IL31RA: variants seen among roughly 807,000 people sequenced by gnomAD.
IL31RA encodes interleukin 31 receptor A.
Under a neutral mutation model 83.7 loss-of-function variants are expected in IL31RA, and 66 were observed. That is an observed-to-expected ratio of 0.79 (90% confidence interval 0.65 to 0.97). The LOEUF (loss-of-function observed/expected upper bound fraction) is 0.97, where lower values mean the gene tolerates loss of function less well. Among genes scored for constraint, IL31RA ranks in the 50% least tolerant of loss-of-function variants. The pLI is 0.00. For synonymous variants in IL31RA, 325 were observed against 329.0 expected (o/e 0.99, Z 0.13); for missense variants, 798 against 919.4 (o/e 0.87, Z 1.71).
intron 8 of IL31RA, 69 bp from the exon 9 acceptor site, chr5:55,906,037 G>A: frequency 1.3e-6 from 2 of 1,482,644 alleles, no homozygotes; most frequent in Non-Finnish European, 1.9e-6. Context: ...CAATGAGGAT[G>A]CCAGTGTGGT....
intron 4 of IL31RA, among the ~76,000 whole-genome samples, chr5:55,879,575 G>A (rs945397214): frequency 1.3e-5 from 2 of 151,486 alleles, no homozygotes; most frequent in South Asian, 2.1e-4. Context: ...TGGGACTACA[G>A]GCACGCACCA....
intron 6 of IL31RA, among the ~76,000 whole-genome samples, chr5:55,891,761 ATTTTTTTTT>A (rs35672011): frequency 6.5e-4 from 39 of 60,030 alleles, no homozygotes; most frequent in Non-Finnish European, 9.5e-4. Flanking sequence ...TTTGGACAAG[ATTTTTTTTT>A]TTTTTTTTTT....
chr5:55,842,461 A>G, the IL31RA span, among the ~76,000 whole-genome samples: 1 of 152,214 alleles, frequency 6.6e-6, no homozygotes, highest in South Asian at 2.1e-4. Context: ...AGGTGCCAGT[A>G]AATGCCTAGT....
At chr5:55,850,134 T>C (rs373501713), upstream of IL31RA, among the ~76,000 whole-genome samples, 1 of 152,228 alleles carries the variant, frequency 6.6e-6, no homozygotes. Context: ...TTTTTTCCTA[T>C]CTGGAAACAT....
intron 8 of IL31RA, among the ~76,000 whole-genome samples, chr5:55,905,470 T>C (rs1749090535): frequency 6.6e-6 from 1 of 152,252 alleles, no homozygotes; most frequent in South Asian, 2.1e-4. Flanking sequence ...AGCCACACAC[T>C]CAACTTTTCT....
chr5:55,909,707 CTT>C (rs113348837), intron 11 of IL31RA, among the ~76,000 whole-genome samples: 1 of 143,348 alleles, frequency 7.0e-6, no homozygotes. Flanking sequence ...ATTTGTATAT[CTT>C]TTTTTTTTTT....
rs752176988 is a variant in IL31RA, at chr5:55,903,416, G to A, written c.1070-2690G>A. On this transcript the variant is annotated intron_variant, in intron 8 of 14. Coordinates refer to ENST00000652347, the MANE Select transcript of IL31RA (RefSeq NM_139017.7). This position sits in a 1 kb window ranked among gnomAD's most constrained non-coding sequence, Gnocchi z 4.7. ...TTCCCACCACACCTGGGGATGTTTGGAGTAATTGCTCAGAAAGCTCTTGTT... is the reference window on the plus strand; with the variant it reads ...TTCCCACCACACCTGGGGATGTTTGAAGTAATTGCTCAGAAAGCTCTTGTT... Among the ~76,000 whole-genome samples the A allele has an allele frequency of 2.0e-5, 3 of 152,228 alleles. No individual in the cohort carries two copies. Among genetic ancestry groups the A allele is most frequent in the Non-Finnish European group, 4.4e-5 (3 of 68,042 alleles).
chr5:55,908,459 G>C (rs199722224), intron 11 of IL31RA, 48 bp downstream of exon 11: 1 of 1,614,202 alleles, frequency 6.2e-7, no homozygotes, highest in South Asian at 1.1e-5. Flanking sequence ...GCCCCAGATA[G>C]ATGCTATGGA....
chr5:55,918,089 C>T lies in IL31RA; in HGVS notation c.*969C>T, dbSNP rs549000076. On this transcript the variant is annotated 3_prime_UTR_variant, in exon 15 of 15. Transcript: ENST00000652347. ...CTCTAGCTGAGCACAGAGCTTGTGACAGTTAGTGGAGCCTTTCACGAAAGT... is the reference window on the plus strand; with the variant it reads ...CTCTAGCTGAGCACAGAGCTTGTGATAGTTAGTGGAGCCTTTCACGAAAGT... Among the ~76,000 whole-genome samples, 175 of 152,326 alleles carry T rather than the reference C, an allele frequency of 1.1e-3. No individual in the cohort carries two copies. Among genetic ancestry groups the T allele is most frequent in the African/African-American group, 3.6e-3 (151 of 41,586 alleles).
chr5:55,872,388 G>A lies in IL31RA; in HGVS notation c.391G>A (p.Glu131Lys). The stretch of plus-strand genomic sequence containing the variant: ...CCCAGATAATTATACCATTGAGGTG[G>A]AAGCTGAAAATGGAGATGGTGTAAT... Reference protein sequence around the residue: ...TIPDNYTIEVEAENGDGVIKS... With the variant: ...TIPDNYTIEVKAENGDGVIKS... The change falls in exon 4 of 15, where the codon GAA (glutamate) becomes AAA (lysine). Residue 131 changes from glutamate (E) to lysine (K), a missense_variant. Physicochemically the swap from Glu to Lys is moderately conservative, Grantham distance 56. Coordinates refer to ENST00000652347, the MANE Select transcript of IL31RA (RefSeq NM_139017.7). 1.2e-6 allele frequency: 2 copies of A among 1,612,088 alleles called. No homozygotes were observed.
intron 3 of IL31RA, among the ~76,000 whole-genome samples, chr5:55,870,971 G>A (rs1225521024): frequency 6.6e-6 from 1 of 152,226 alleles, no homozygotes; most frequent in Non-Finnish European, 1.5e-5. Context: ...AATAAATGCA[G>A]AAATATTCAA....
At chr5:55,887,575 A>G (rs138544509) in intron 5 of IL31RA, among the ~76,000 whole-genome samples, 2 of 151,900 alleles carry the variant, frequency 1.3e-5, no homozygotes, top group African/African-American at 4.8e-5. Flanking sequence ...CCCTGTCTCT[A>G]CGAAAAATAC....
chr5:55,860,941 C>G lies in IL31RA; in HGVS notation c.154+1342C>G, dbSNP rs536449118. Among the ~76,000 whole-genome samples the G allele has an allele frequency of 3.3e-5, 5 of 152,186 alleles. No homozygotes were observed. In the South Asian group the frequency reaches 8.3e-4, roughly 25 times the overall value. ...GCAGGTGGCCTTCCTTTTGCTGCCT[C>G]TTCACATGGTCATCCCTCTGTGCCC... On this transcript the variant is annotated intron_variant, in intron 2 of 14. Coordinates refer to ENST00000652347, the MANE Select transcript of IL31RA (RefSeq NM_139017.7).
At chr5:55,879,201 C>G (rs1314035195) in intron 4 of IL31RA, among the ~76,000 whole-genome samples, 1 of 151,974 alleles carries the variant, frequency 6.6e-6, no homozygotes, top group Non-Finnish European at 1.5e-5. Context: ...GTGCTCTGTT[C>G]TCTTTAGTTG....
chr5:55,914,016 A>G (rs775228842), intron 13 of IL31RA, among the ~76,000 whole-genome samples: 7 of 152,162 alleles, frequency 4.6e-5, no homozygotes, highest in Admixed American at 2.0e-4. Flanking sequence ...GTGCAAGCTT[A>G]TTGCTTGCTT....
Position 55,852,617 on chromosome 5 carries a change from T to G in IL31RA, c.63+984T>G, listed in dbSNP as rs909837942. On this transcript the variant is annotated intron_variant, in intron 1 of 14. Transcript: ENST00000652347. Reference sequence around the variant, plus strand: ...AAAATGTGGGGCTGGAAAGCATAGCTTGTTTTAAAACTTAGTTTTCTTTCC... The same window carrying G: ...AAAATGTGGGGCTGGAAAGCATAGCGTGTTTTAAAACTTAGTTTTCTTTCC... 3.9e-5 allele frequency among the ~76,000 whole-genome samples: 6 copies of G among 152,268 alleles called. No individual in the cohort carries two copies. The East Asian group carries it at 1.2e-3, about 29-fold the overall frequency.
At chr5:55,892,763 G>A (rs908574739) in intron 6 of IL31RA, among the ~76,000 whole-genome samples, 5 of 152,202 alleles carry the variant, frequency 3.3e-5, no homozygotes, top group African/African-American at 4.8e-5. Context: ...CCAGTCCCTC[G>A]TGTCAGTTTT....
intron 3 of IL31RA, among the ~76,000 whole-genome samples, chr5:55,870,943 C>T (rs746909286): frequency 2.6e-5 from 4 of 152,214 alleles, no homozygotes; most frequent in African/African-American, 9.6e-5. Context: ...AAGTTTATTT[C>T]TCAAAGGTCA....
intron 4 of IL31RA, among the ~76,000 whole-genome samples, chr5:55,873,307 A>G (rs1033993352): frequency 3.9e-5 from 6 of 152,280 alleles, no homozygotes; most frequent in Non-Finnish European, 8.8e-5. Context: ...CCCATACATC[A>G]GTTTATGGAC....
Sources: gnomAD v4.1 joint callset for allele counts (sites outside exome capture counted in the v4.1 genomes callset) on GRCh38, gnomAD v4.1.1 for gene constraint, Gnocchi (gnomAD v3.1) non-coding constraint, MANE v1.5 for transcripts, NCBI Gene and HGNC (gene_info 2026-07-23, HGNC 2026-07-21) for gene names.